AKT3: variants seen among roughly 807,000 people sequenced by gnomAD.
AKT3 encodes the protein AKT serine/threonine kinase 3.
A neutral mutation model predicts 65.3 loss-of-function variants in AKT3; 15 were observed. The ratio of observed to expected loss-of-function variants is 0.23; its 90% CI spans 0.15 to 0.35. The LOEUF is 0.35. AKT3 is among the 10% of genes least tolerant of loss of function. The pLI is 1.00. For missense variants in AKT3, 243 were observed against 576.5 expected (o/e 0.42, Z 5.92); for synonymous variants, 206 against 183.8 (o/e 1.12, Z -0.98).
At chr1:243,613,825 T>G (rs1367248916) in intron 7 of AKT3, 86 bp from the exon 8 acceptor site, 2 of 749,466 alleles carry the variant, frequency 2.7e-6, no homozygotes, top group South Asian at 3.2e-5. Flanking sequence ...CACATAGAAA[T>G]AGTAAGCATG....
chr1:243,571,815 G>C (rs1348339481), intron 9 of AKT3, among the ~76,000 whole-genome samples: 1 of 152,154 alleles, frequency 6.6e-6, no homozygotes, highest in Non-Finnish European at 1.5e-5. Flanking sequence ...CTATTAATTT[G>C]TATTAATCTT....
chr1:243,583,717 T>C (rs1345169121), intron 8 of AKT3, among the ~76,000 whole-genome samples: 1 of 151,940 alleles, frequency 6.6e-6, no homozygotes, highest in East Asian at 1.9e-4. Context: ...CTCCTGAATG[T>C]CTTCTGGGTA....
intron 1 of AKT3, among the ~76,000 whole-genome samples, chr1:243,844,827 T>C (rs1695442210): frequency 6.6e-6 from 1 of 152,176 alleles, no homozygotes; most frequent in Non-Finnish European, 1.5e-5. Flanking sequence ...CCCTCCCATA[T>C]ACAGCAATGA....
At chr1:243,695,150 A>G (rs1397156937) in intron 3 of AKT3, among the ~76,000 whole-genome samples, 1 of 151,998 alleles carries the variant, frequency 6.6e-6, no homozygotes, top group Non-Finnish European at 1.5e-5. Flanking sequence ...AACTACGAAC[A>G]TAAAATCTCC....
intron 12 of AKT3, among the ~76,000 whole-genome samples, chr1:243,527,290 C>T (rs979893591): frequency 1.3e-5 from 2 of 152,076 alleles, no homozygotes; most frequent in Non-Finnish European, 2.9e-5. Context: ...CCAAAATAAA[C>T]TATAAAGTAC....
chr1:243,764,675 A>C (rs777808731), intron 2 of AKT3, among the ~76,000 whole-genome samples: 37 of 152,104 alleles, frequency 2.4e-4, no homozygotes, highest in Non-Finnish European at 4.1e-4. Context: ...AATGGTAATA[A>C]AATAAATAAA....
At chr1:243,623,568 C>T (rs1322046911) in intron 6 of AKT3, among the ~76,000 whole-genome samples, 1 of 152,118 alleles carries the variant, frequency 6.6e-6, no homozygotes, top group African/African-American at 2.4e-5. Context: ...GGAATGGGGA[C>T]ACTCCTCTTC....
chr1:243,784,197 A>G (rs538383924), intron 2 of AKT3, among the ~76,000 whole-genome samples: 2 of 152,314 alleles, frequency 1.3e-5, no homozygotes, highest in Non-Finnish European at 2.9e-5. Flanking sequence ...GAAGTACATA[A>G]TGAAAAATCC....
At chr1:243,832,076 T>C (rs1055532110) in intron 2 of AKT3, among the ~76,000 whole-genome samples, 1 of 120,510 alleles carries the variant, frequency 8.3e-6, no homozygotes, top group Admixed American at 1.1e-4. Context: ...AGGCCAGGAG[T>C]TGGAGATCAG....
intron 2 of AKT3, among the ~76,000 whole-genome samples, chr1:243,701,775 GT>G (rs112764931): frequency 0.047 from 7,083 of 151,366 alleles, 551 homozygotes; most frequent in African/African-American, 0.16. Flanking sequence ...ACTCAAACTT[GT>G]TGTAACATAG....
chr1:243,563,065 T>A (rs903949518), intron 10 of AKT3, among the ~76,000 whole-genome samples: 1 of 152,218 alleles, frequency 6.6e-6, no homozygotes, highest in African/African-American at 2.4e-5. Context: ...TTATTTATTT[T>A]TATTCTGTCT....
chr1:243,550,135 G>A (rs888432940), intron 11 of AKT3, among the ~76,000 whole-genome samples: 6 of 152,280 alleles, frequency 3.9e-5, no homozygotes, highest in Middle Eastern at 6.8e-3. Context: ...TACTTTGTAT[G>A]TAGTTTGACC....
In AKT3 at chr1:243,736,675, A is replaced by G. The variant is rs566628340; in HGVS notation, c.47-40959T>C. Reference sequence around the variant, plus strand: ...AGAAATTAGGAGCCTTGCAAGTACTAAGTTCGAAGATAAAGAAATGGAAGC... The same window carrying G: ...AGAAATTAGGAGCCTTGCAAGTACTGAGTTCGAAGATAAAGAAATGGAAGC... On this transcript the variant is annotated intron_variant, in intron 2 of 13. Transcript: ENST00000673466. Among the ~76,000 whole-genome samples, 46 of 152,298 alleles carry G rather than the reference A, an allele frequency of 3.0e-4. No homozygotes were observed. The South Asian group carries it at 9.5e-3, about 32-fold the overall frequency.
At chr1:243,807,421 G>A (rs1692812530) in intron 2 of AKT3, among the ~76,000 whole-genome samples, 1 of 152,212 alleles carries the variant, frequency 6.6e-6, no homozygotes, top group Non-Finnish European at 1.5e-5. Flanking sequence ...TATGCCCACA[G>A]AGCCTCGCTC....
At chr1:243,516,712 ATCC>A (rs918771280) in intron 12 of AKT3, among the ~76,000 whole-genome samples, 3 of 151,074 alleles carry the variant, frequency 2.0e-5, no homozygotes, top group African/African-American at 4.9e-5. Context: ...TCCTTGAGCA[ATCC>A]TCCTGCCTCA....
intron 8 of AKT3, among the ~76,000 whole-genome samples, chr1:243,605,065 C>T (rs1156269232): frequency 2.0e-5 from 3 of 152,158 alleles, no homozygotes; most frequent in African/African-American, 7.2e-5. Flanking sequence ...CACTCTGTTG[C>T]CCACGCTGGA....
chr1:243,759,042 G>C (rs559403703), intron 2 of AKT3, among the ~76,000 whole-genome samples: 1 of 152,344 alleles, frequency 6.6e-6, no homozygotes. Flanking sequence ...AATAAAGGGA[G>C]GTGGCTCATG....
intron 8 of AKT3, among the ~76,000 whole-genome samples, chr1:243,589,561 G>A (rs1676081253): frequency 6.6e-6 from 1 of 152,050 alleles, no homozygotes; most frequent in African/African-American, 2.4e-5. Context: ...TGGAGAAAAG[G>A]GAACCCTTGT....
At chr1:243,552,345 G>C (rs1673143374) in intron 11 of AKT3, among the ~76,000 whole-genome samples, 1 of 149,814 alleles carries the variant, frequency 6.7e-6, no homozygotes, top group Admixed American at 6.7e-5. Flanking sequence ...ACAGGTTGCG[G>C]GTGGGAGGAG....
Sources: allele counts gnomAD v4.1 joint callset (sites outside exome capture counted in the v4.1 genomes callset), GRCh38; gene constraint gnomAD v4.1.1; transcripts MANE v1.5; gene names NCBI Gene and HGNC (gene_info 2026-07-23, HGNC 2026-07-21).